The following METTL24 variants were observed in gnomAD, a reference collection of about 807,000 sequenced individuals.
METTL24 encodes methyltransferase like 24, also known as probable methyltransferase-like protein 24.
Under a neutral mutation model 32.7 loss-of-function variants are expected in METTL24, and 29 were observed. The ratio of observed to expected loss-of-function variants is 0.89; its 90% CI spans 0.66 to 1.21. The LOEUF (loss-of-function observed/expected upper bound fraction) is 1.21, where lower values mean the gene tolerates loss of function less well. Ranked by LOEUF, METTL24 falls within the 50% of genes most tolerant of loss-of-function variation. The pLI is 0.00. For missense variants in METTL24, 439 were observed against 468.1 expected (o/e 0.94, Z 0.57); for synonymous variants, 163 against 179.5 (o/e 0.91, Z 0.73).
intron 4 of METTL24, among the ~76,000 whole-genome samples, chr6:110,252,558 A>C (rs1778300382): frequency 6.6e-6 from 1 of 152,186 alleles, no homozygotes; most frequent in Non-Finnish European, 1.5e-5. Context: ...TAAAACAGGT[A>C]TTTTTGCTAT....
At chr6:110,324,144 GA>G (rs1326606759) in intron 1 of METTL24, among the ~76,000 whole-genome samples, 7 of 152,206 alleles carry the variant, frequency 4.6e-5, no homozygotes, top group African/African-American at 1.7e-4. Flanking sequence ...TGGGTTTGGG[GA>G]AGAGGAATCC....
intron 4 of METTL24, among the ~76,000 whole-genome samples, chr6:110,259,125 C>G (rs1283222625): frequency 6.6e-6 from 1 of 152,122 alleles, no homozygotes; most frequent in Non-Finnish European, 1.5e-5. Context: ...GGGTGCAGGA[C>G]AGTGGGTGCA....
chr6:110,248,037 G>A (rs1268735401), intron 4 of METTL24, among the ~76,000 whole-genome samples: 1 of 152,114 alleles, frequency 6.6e-6, no homozygotes, highest in East Asian at 1.9e-4. Context: ...GTTCACGTAA[G>A]ATCTGGCTGT....
At chr6:110,261,703 C>T (rs1770734058) in intron 4 of METTL24, among the ~76,000 whole-genome samples, 1 of 152,104 alleles carries the variant, frequency 6.6e-6, no homozygotes, top group Non-Finnish European at 1.5e-5. Context: ...CAAAACTGAC[C>T]ACATAGTTGG....
At chr6:110,251,339 A>G (rs1778274592) in intron 4 of METTL24, among the ~76,000 whole-genome samples, 1 of 152,248 alleles carries the variant, frequency 6.6e-6, no homozygotes, top group South Asian at 2.1e-4. Context: ...TGAATAATAA[A>G]GCCTTTATTC....
rs756329218 is a variant in METTL24 at position 110,298,907 on chromosome 6, A to G, written c.786+15T>C. Reference sequence around the variant, plus strand: ...TTTACTTTATTCAAGTATAAAATCAAATGAAAAACCTCACCTTGTGATGTC... The same window carrying G: ...TTTACTTTATTCAAGTATAAAATCAGATGAAAAACCTCACCTTGTGATGTC... On this transcript the variant is annotated intron_variant, in intron 4 of 4. Coordinates refer to ENST00000338882, the MANE Select transcript of METTL24 (RefSeq NM_001123364.3). The G allele has an allele frequency of 6.2e-7, 1 of 1,610,240 alleles. No homozygotes were observed. Among genetic ancestry groups the G allele is most frequent in the East Asian group, 2.2e-5 (1 of 44,832 alleles).
At chr6:110,247,944 G>A (rs1326257806) in intron 4 of METTL24, among the ~76,000 whole-genome samples, 2 of 152,154 alleles carry the variant, frequency 1.3e-5, no homozygotes, top group Admixed American at 1.3e-4. Flanking sequence ...GGGGTCTGGT[G>A]AGAGGTGTTT....
chr6:110,291,792 G>A (rs1349205348), intron 4 of METTL24, among the ~76,000 whole-genome samples: 1 of 152,142 alleles, frequency 6.6e-6, no homozygotes, highest in East Asian at 1.9e-4. Context: ...ACAACATGCA[G>A]TATTTGGTTT....
At chr6:110,289,587 C>G (rs1771282802) in intron 4 of METTL24, among the ~76,000 whole-genome samples, 1 of 151,714 alleles carries the variant, frequency 6.6e-6, no homozygotes, top group Non-Finnish European at 1.5e-5. Context: ...TTTACCCTAA[C>G]ATAGGTCAGA....
intron 4 of METTL24, among the ~76,000 whole-genome samples, chr6:110,255,560 A>G (rs922784312): frequency 6.6e-6 from 1 of 152,168 alleles, no homozygotes; most frequent in African/African-American, 2.4e-5. Context: ...GCAATGGCAG[A>G]ACCACGGACA....
At chr6:110,348,147 G>T (rs906298198) in intron 1 of METTL24, among the ~76,000 whole-genome samples, 13 of 152,194 alleles carry the variant, frequency 8.5e-5, no homozygotes, top group Admixed American at 2.0e-4. Flanking sequence ...CTTTCCATGT[G>T]AACACCTGCA....
intron 3 of METTL24, among the ~76,000 whole-genome samples, chr6:110,311,785 G>A (rs1294029488): frequency 3.3e-5 from 5 of 152,094 alleles, no homozygotes; most frequent in African/African-American, 7.2e-5. Flanking sequence ...GAGCCACTGC[G>A]CCTGGCCCCA....
chr6:110,288,000 C>T (rs955935362), intron 4 of METTL24, among the ~76,000 whole-genome samples: 2 of 152,176 alleles, frequency 1.3e-5, no homozygotes, highest in African/African-American at 4.8e-5. Flanking sequence ...TCCGGTACAA[C>T]AGCTAGTACA....
intron 3 of METTL24, among the ~76,000 whole-genome samples, chr6:110,305,510 G>A (rs1771610869): frequency 7.0e-6 from 1 of 142,242 alleles, no homozygotes; most frequent in African/African-American, 2.8e-5. Context: ...ATCAAATATT[G>A]GGCAAAGGAT....
intron 4 of METTL24, among the ~76,000 whole-genome samples, chr6:110,281,382 C>T (rs1771132610): frequency 6.6e-6 from 1 of 152,054 alleles, no homozygotes; most frequent in Admixed American, 6.6e-5. Context: ...GTGGCTCACA[C>T]CTGTAATCTC....
At chr6:110,345,731 C>T (rs1441517587) in intron 1 of METTL24, among the ~76,000 whole-genome samples, 3 of 152,102 alleles carry the variant, frequency 2.0e-5, no homozygotes, top group Non-Finnish European at 4.4e-5. Flanking sequence ...ATGATGAAAA[C>T]TCATAGACAC....
chr6:110,307,819 T>C (rs1562232865), intron 3 of METTL24, among the ~76,000 whole-genome samples: 1 of 152,242 alleles, frequency 6.6e-6, no homozygotes, highest in African/African-American at 2.4e-5. Flanking sequence ...TATTCAAAGC[T>C]ATATACCTTT....
At chr6:110,322,267 T>C (rs935524319) in intron 2 of METTL24, among the ~76,000 whole-genome samples, 1 of 152,196 alleles carries the variant, frequency 6.6e-6, no homozygotes, top group South Asian at 2.1e-4. Flanking sequence ...TGCTCTGAGA[T>C]AGAGAGCCTT....
intron 1 of METTL24, among the ~76,000 whole-genome samples, chr6:110,350,357 T>C (rs1023147185): frequency 2.0e-5 from 3 of 152,150 alleles, no homozygotes; most frequent in African/African-American, 7.2e-5. Flanking sequence ...CAGTCCCTGT[T>C]TGTACTAGTT....
Sources: allele counts gnomAD v4.1 joint callset (sites outside exome capture counted in the v4.1 genomes callset), GRCh38; gene constraint gnomAD v4.1.1; transcripts MANE v1.5; gene names NCBI Gene and HGNC (gene_info 2026-07-23, HGNC 2026-07-21).